The following ARHGEF10 variants were observed in gnomAD, a reference collection of about 807,000 sequenced individuals.
ARHGEF10 encodes Rho guanine nucleotide exchange factor 10, also known as Rho guanine nucleotide exchange factor (GEF) 10.
In ARHGEF10, 140 loss-of-function variants were observed where a neutral mutation model predicts 147.4. The observed-to-expected ratio is 0.95, with a 90% CI of 0.83 to 1.09. ARHGEF10 has a LOEUF of 1.09. Among genes scored for constraint, ARHGEF10 ranks in the 50% least tolerant of loss-of-function variants. The pLI is 0.00. For missense variants in ARHGEF10, 2,222 were observed against 1,752.7 expected (o/e 1.27, Z -4.78); for synonymous variants, 902 against 695.8 (o/e 1.30, Z -4.67).
chr8:1,847,450 A>T (rs916566233), intron 2 of ARHGEF10, among the ~76,000 whole-genome samples: 1 of 152,224 alleles, frequency 6.6e-6, no homozygotes, highest in Non-Finnish European at 1.5e-5. Context: ...TGCAAATTAC[A>T]TTAGGGCAAA....
intron 9 of ARHGEF10, among the ~76,000 whole-genome samples, chr8:1,881,043 C>T (rs1040043627): frequency 4.6e-5 from 7 of 152,044 alleles, no homozygotes; most frequent in African/African-American, 7.2e-5. Context: ...GAGTGGAGGG[C>T]GCCATCAGAA....
chr8:1,929,154 G>A, intron 24 of ARHGEF10, 132 bp from the exon 25 acceptor site: 6 of 981,510 alleles, frequency 6.1e-6, no homozygotes, highest in Non-Finnish European at 9.3e-6. Flanking sequence ...AAAAGTACTG[G>A]CAAGTGTCCC....
At chr8:1,844,384 G>A (rs1478272503) in intron 2 of ARHGEF10, among the ~76,000 whole-genome samples, 3 of 152,094 alleles carry the variant, frequency 2.0e-5, no homozygotes, top group African/African-American at 7.2e-5. Flanking sequence ...AGGGGTCACC[G>A]GGGCCTGGTA....
At chr8:1,894,206 A>C (rs1423734468) in intron 12 of ARHGEF10, among the ~76,000 whole-genome samples, 187 bp from the exon 13 acceptor site, 1 of 150,902 alleles carries the variant, frequency 6.6e-6, no homozygotes, top group African/African-American at 2.4e-5. Context: ...TGAAGCAGCC[A>C]TGCCCCCATG....
intron 4 of ARHGEF10, among the ~76,000 whole-genome samples, chr8:1,863,266 C>G (rs529194376): frequency 6.6e-6 from 1 of 152,294 alleles, no homozygotes; most frequent in South Asian, 2.1e-4. Context: ...AGATCCACCC[C>G]CCCAGCCCCT....
In ARHGEF10 at chr8:1,864,451, C is replaced by T. The variant is rs1428785146; in HGVS notation, c.545+15C>T. ...CCTCCAACCAGGTATCTGCATCCGT[C>T]TTCCCACACCTGCTGAATTCCCGCC... On this transcript the variant is annotated intron_variant, in intron 5 of 28. Coordinates refer to ENST00000349830, the MANE Select transcript of ARHGEF10 (RefSeq NM_014629.4). 2.5e-6 allele frequency: 4 copies of T among 1,611,406 alleles called. No individual in the cohort carries two copies. The highest frequency in any genetic ancestry group is 1.1e-5 in the South Asian group (1 of 91,044).
chr8:1,873,069 C>G (rs1205109612), intron 7 of ARHGEF10, among the ~76,000 whole-genome samples: 1 of 152,254 alleles, frequency 6.6e-6, no homozygotes, highest in Non-Finnish European at 1.5e-5. Flanking sequence ...CGTCGGCCCC[C>G]TGCCGTGTGG....
chr8:1,913,867 G>C lies in ARHGEF10; in HGVS notation c.2143+4397G>C, dbSNP rs1353072836. Among the ~76,000 whole-genome samples the C allele has an allele frequency of 2.0e-5, 3 of 152,300 alleles. No individual in the cohort carries two copies. In the South Asian group the frequency reaches 6.2e-4, roughly 32 times the overall value. On this transcript the variant is annotated intron_variant, in intron 18 of 28. Transcript: ENST00000349830. ...AAGACACAGTCATTATGAACAGGTA[G>C]CTGGAGGAGCTGCCAGCAAGCTTGT...
chr8:1,888,037 G>A (rs1485475712), intron 11 of ARHGEF10, among the ~76,000 whole-genome samples: 1 of 148,148 alleles, frequency 6.8e-6, no homozygotes. Flanking sequence ...TGAGTAGGGT[G>A]AGGGTTGTTA....
chr8:1,949,580 G>A (rs1237141389), intron 27 of ARHGEF10, among the ~76,000 whole-genome samples: 1 of 152,124 alleles, frequency 6.6e-6, no homozygotes, highest in Admixed American at 6.5e-5. Flanking sequence ...GAGACACATG[G>A]TAAATTGCGC....
chr8:1,940,128 TGAAA>T (rs2129257812), intron 26 of ARHGEF10, among the ~76,000 whole-genome samples: 1 of 152,288 alleles, frequency 6.6e-6, no homozygotes, highest in African/African-American at 2.4e-5. Flanking sequence ...ATTGTGATTG[TGAAA>T]GAGTCAAAAG....
intron 27 of ARHGEF10, among the ~76,000 whole-genome samples, chr8:1,946,377 G>A (rs780015903): frequency 6.6e-6 from 1 of 152,232 alleles, no homozygotes; most frequent in Admixed American, 6.5e-5. Flanking sequence ...CCACAGACGG[G>A]CTGGCTTACA....
rs1371206523 is a variant in ARHGEF10 at position 1,832,697 on chromosome 8, CAGGCAG to C, written c.-48+8593_-48+8598del. 6.4e-4 allele frequency among the ~76,000 whole-genome samples: 8 copies of C among 12,514 alleles called. 2 individuals are homozygous for C. The highest frequency in any genetic ancestry group is 8.7e-4 in the Non-Finnish European group (5 of 5,756). 8.2% of individuals were successfully genotyped at this position (12,514 alleles called of 152,430 possible). On this transcript the variant is annotated intron_variant, in intron 1 of 28. Transcript: ENST00000349830. ...AGAGGCAGAGACAGAGACAGAGAGACAGGCAGAGGCAGAGACAGAGGCAGAGAGAGA... is the reference window on the plus strand; with the variant it reads ...AGAGGCAGAGACAGAGACAGAGAGACAGGCAGAGACAGAGGCAGAGAGAGA...
intron 10 of ARHGEF10, among the ~76,000 whole-genome samples, chr8:1,883,476 G>T (rs1010690126): frequency 6.6e-6 from 1 of 152,136 alleles, no homozygotes; most frequent in Non-Finnish European, 1.5e-5. Flanking sequence ...GGTAGCATTT[G>T]CTAATATCTG....
chr8:1,824,804 C>G (rs1412011679), intron 1 of ARHGEF10, among the ~76,000 whole-genome samples: 1 of 39,472 alleles, frequency 2.5e-5, no homozygotes, highest in Non-Finnish European at 4.8e-5. Context: ...TCGCACCCCA[C>G]CTGTTCCCCC....
chr8:1,853,108 G>A (rs1805271055), intron 2 of ARHGEF10, among the ~76,000 whole-genome samples: 1 of 151,984 alleles, frequency 6.6e-6, no homozygotes, highest in East Asian at 1.9e-4. Context: ...GATTTGGGCT[G>A]GATGCCTGTG....
At chr8:1,901,940 A>G (rs1810495514) in intron 15 of ARHGEF10, among the ~76,000 whole-genome samples, 1 of 152,134 alleles carries the variant, frequency 6.6e-6, no homozygotes, top group Non-Finnish European at 1.5e-5. Context: ...ATGACTACTA[A>G]TATTCCTATA....
At chr8:1,842,557 C>T (rs1474351091) in intron 1 of ARHGEF10, among the ~76,000 whole-genome samples, 1 of 152,234 alleles carries the variant, frequency 6.6e-6, no homozygotes, top group Non-Finnish European at 1.5e-5. Context: ...ATGTGCTTTT[C>T]CTGATGCGGC....
intron 2 of ARHGEF10, among the ~76,000 whole-genome samples, chr8:1,847,600 C>T (rs1485213739): frequency 2.0e-5 from 3 of 151,934 alleles, no homozygotes; most frequent in Non-Finnish European, 2.9e-5. Context: ...TTTCTGGGGG[C>T]AGCATTGTTT....
Sources: allele counts gnomAD v4.1 joint callset (sites outside exome capture counted in the v4.1 genomes callset), GRCh38; gene constraint gnomAD v4.1.1; transcripts MANE v1.5; gene names NCBI Gene and HGNC (gene_info 2026-07-23, HGNC 2026-07-21).